Variants in MYO9A observed in about 807,000 individuals in gnomAD.
MYO9A encodes the protein myosin IXA.
A neutral mutation model predicts 293.3 loss-of-function variants in MYO9A; 103 were observed. That is an observed-to-expected ratio of 0.35 (90% CI 0.30 to 0.41). The LOEUF (loss-of-function observed/expected upper bound fraction) is 0.41, where lower values mean the gene tolerates loss of function less well. MYO9A is among the 10% of genes least tolerant of loss of function. The pLI, the probability that MYO9A is intolerant of heterozygous loss-of-function variation, is 1.00. For synonymous variants in MYO9A, 1,001 were observed against 1,035.7 expected, an observed-to-expected ratio of 0.97 and a Z score of 0.64; for missense variants, 2,685 against 3,033.0, an observed-to-expected ratio of 0.89 and a Z score of 2.69.
intron 14 of MYO9A, among the ~76,000 whole-genome samples, chr15:71,952,558 C>T (rs1196211026): frequency 6.6e-6 from 1 of 152,108 alleles, no homozygotes; most frequent in Non-Finnish European, 1.5e-5. Context: ...AGCCCCAGAT[C>T]AGTGTTATTT....
At chr15:71,940,894 C>G (rs1226105771) in intron 15 of MYO9A, among the ~76,000 whole-genome samples, 1 of 151,876 alleles carries the variant, frequency 6.6e-6, no homozygotes, top group Non-Finnish European at 1.5e-5. Context: ...TCACCCCAGC[C>G]TGGATGACAG....
chr15:71,877,628 T>G (rs1406892131), intron 31 of MYO9A, among the ~76,000 whole-genome samples: 1 of 152,138 alleles, frequency 6.6e-6, no homozygotes, highest in African/African-American at 2.4e-5. Flanking sequence ...CAGCTAATTT[T>G]TGTATATTTA....
At chr15:72,087,385 T>A (rs2150520086) in intron 1 of MYO9A, among the ~76,000 whole-genome samples, 1 of 152,184 alleles carries the variant, frequency 6.6e-6, no homozygotes, top group African/African-American at 2.4e-5. Context: ...CTGACTGGAG[T>A]GCTGCCTCTA....
chr15:72,099,431 A>AAAG (rs2080185039), intron 1 of MYO9A, among the ~76,000 whole-genome samples: 1 of 145,812 alleles, frequency 6.9e-6, no homozygotes, highest in Non-Finnish European at 1.5e-5. Flanking sequence ...CCAAAAAAAA[A>AAAG]AAAAAAAAAA....
chr15:71,910,164 ACGTG>A (rs72225364), intron 19 of MYO9A, among the ~76,000 whole-genome samples: 16 of 12,350 alleles, frequency 1.3e-3, no homozygotes, highest in East Asian at 8.8e-3. Flanking sequence ...ATATATATAT[ACGTG>A]TATATATATA....
intron 1 of MYO9A, among the ~76,000 whole-genome samples, chr15:72,055,966 G>A (rs1419536763): frequency 1.3e-5 from 2 of 152,162 alleles, no homozygotes; most frequent in African/African-American, 2.4e-5. Context: ...GGTGGCTCAC[G>A]CCTATAATCC....
At chr15:71,913,141 A>G (rs1055484773) in intron 19 of MYO9A, among the ~76,000 whole-genome samples, 6 of 152,030 alleles carry the variant, frequency 3.9e-5, no homozygotes, top group Non-Finnish European at 7.4e-5. Flanking sequence ...ATATTGCTCC[A>G]TAAGTTATTG....
At chr15:72,010,545 G>T in intron 6 of MYO9A, 98 bp from the exon 7 acceptor site, 1 of 1,034,192 alleles carries the variant, frequency 9.7e-7, no homozygotes, top group Non-Finnish European at 1.4e-6. Flanking sequence ...GTACCTGTAT[G>T]TATAAATGCA....
chr15:71,951,756 T>C, intron 15 of MYO9A, 21 bp downstream of exon 15: 1 of 1,613,526 alleles, frequency 6.2e-7, no homozygotes. Context: ...GATAACAGTT[T>C]ATCAGGATTT....
intron 1 of MYO9A, among the ~76,000 whole-genome samples, chr15:72,069,826 G>A (rs1175841233): frequency 1.3e-5 from 2 of 151,868 alleles, no homozygotes; most frequent in Admixed American, 6.6e-5. Flanking sequence ...GTGGGGCGCA[G>A]GGCCGGGGGA....
At chr15:72,010,522 T>C (rs1208081127) in intron 6 of MYO9A, 75 bp from the exon 7 acceptor site, 31 of 1,277,062 alleles carry the variant, frequency 2.4e-5, no homozygotes, top group Non-Finnish European at 3.3e-5. Flanking sequence ...AGAAATATGG[T>C]AATTTAGGAT....
At chr15:71,944,948 T>C (rs2058876368) in intron 15 of MYO9A, among the ~76,000 whole-genome samples, 1 of 152,176 alleles carries the variant, frequency 6.6e-6, no homozygotes, top group African/African-American at 2.4e-5. Flanking sequence ...AATACAAACA[T>C]AAATATGTAT....
At chr15:71,912,794 T>C (rs902982065) in intron 19 of MYO9A, among the ~76,000 whole-genome samples, 6 of 152,192 alleles carry the variant, frequency 3.9e-5, no homozygotes, top group Non-Finnish European at 7.4e-5. Flanking sequence ...AGGGTGACTT[T>C]TTTTCTCTTT....
At chr15:71,955,038 C>T (rs925229135) in intron 14 of MYO9A, among the ~76,000 whole-genome samples, 4 of 152,192 alleles carry the variant, frequency 2.6e-5, no homozygotes, top group Non-Finnish European at 5.9e-5. Context: ...TATCACCCCC[C>T]CAAGTTATTT....
chr15:71,943,898 A>G (rs559930803), intron 15 of MYO9A, among the ~76,000 whole-genome samples: 113 of 152,272 alleles, frequency 7.4e-4, no homozygotes, highest in African/African-American at 2.7e-3. Flanking sequence ...ATTTGAATTC[A>G]TGAAACATAT....
intron 1 of MYO9A, among the ~76,000 whole-genome samples, chr15:72,079,521 T>G (rs531612051): frequency 1.3e-5 from 2 of 152,270 alleles, no homozygotes; most frequent in South Asian, 4.1e-4. Context: ...GTTTTAAAAA[T>G]GCAAGGTGAC....
chr15:71,985,544 C>T (rs938637534), intron 11 of MYO9A, among the ~76,000 whole-genome samples: 6 of 152,148 alleles, frequency 3.9e-5, no homozygotes, highest in Admixed American at 1.3e-4. Flanking sequence ...CAACCTAAAG[C>T]CTATAGGAAT....
At chr15:72,011,187 T>C (rs2077162757) in intron 6 of MYO9A, among the ~76,000 whole-genome samples, 1 of 151,936 alleles carries the variant, frequency 6.6e-6, no homozygotes, top group African/African-American at 2.4e-5. Context: ...GTTTTTTGTA[T>C]TTTTAATAGA....
intron 1 of MYO9A, among the ~76,000 whole-genome samples, chr15:72,108,584 T>A (rs2080657752): frequency 6.6e-6 from 1 of 152,052 alleles, no homozygotes; most frequent in Non-Finnish European, 1.5e-5. Context: ...AAAAGTGAGT[T>A]CTCTTTTGAA....
Sources: gnomAD v4.1 joint callset for allele counts (sites outside exome capture counted in the v4.1 genomes callset) on GRCh38, gnomAD v4.1.1 for gene constraint, MANE v1.5 for transcripts, NCBI Gene and HGNC (gene_info 2026-07-23, HGNC 2026-07-21) for gene names.